The following DNAAF4 variants were observed in gnomAD, a reference collection of about 807,000 sequenced individuals.
DNAAF4 encodes dynein axonemal assembly factor 4, also known as dynein assembly factor 4, axonemal.
Under a neutral mutation model 51.8 loss-of-function variants are expected in DNAAF4, and 43 were observed. The ratio of observed to expected loss-of-function variants is 0.83; its 90% CI spans 0.65 to 1.07. The LOEUF is 1.07. DNAAF4 is among the 50% of genes least tolerant of loss of function. DNAAF4 has a pLI of 0.00. For missense variants in DNAAF4, 581 were observed against 493.0 expected, an observed-to-expected ratio of 1.18 and a Z score of -1.69; for synonymous variants, 194 against 165.6, an observed-to-expected ratio of 1.17 and a Z score of -1.32.
intron 6 of DNAAF4, among the ~76,000 whole-genome samples, chr15:55,442,360 C>G (rs1383474148): frequency 1.3e-5 from 2 of 152,190 alleles, no homozygotes; most frequent in Non-Finnish European, 2.9e-5. Flanking sequence ...CTCAGGCAAT[C>G]CACCCGCCTT....
intron 1 of DNAAF4, among the ~76,000 whole-genome samples, chr15:55,506,470 T>A (rs2141616619): frequency 6.6e-6 from 1 of 152,296 alleles, no homozygotes; most frequent in South Asian, 2.1e-4. Context: ...CATTTTAAGA[T>A]GTTTAGCAGC....
intron 4 of DNAAF4, among the ~76,000 whole-genome samples, chr15:55,484,842 G>T (rs1369588251): frequency 6.6e-6 from 1 of 152,110 alleles, no homozygotes; most frequent in African/African-American, 2.4e-5. Context: ...GGCCAGTCTC[G>T]TCTTTTCATA....
intron 5 of DNAAF4, among the ~76,000 whole-genome samples, chr15:55,464,677 C>T (rs2058142408): frequency 6.6e-6 from 1 of 152,010 alleles, no homozygotes; most frequent in South Asian, 2.1e-4. Flanking sequence ...AGAAGATATA[C>T]AAATGTCCCG....
intron 5 of DNAAF4, among the ~76,000 whole-genome samples, chr15:55,454,453 C>CT (rs1567013984): frequency 6.6e-6 from 1 of 152,090 alleles, no homozygotes; most frequent in Non-Finnish European, 1.5e-5. Context: ...TCTTGGCTCA[C>CT]TGCAGCCTCT....
chr15:55,473,337 GTA>G (rs1360002273), intron 4 of DNAAF4, among the ~76,000 whole-genome samples: 9 of 136,274 alleles, frequency 6.6e-5, no homozygotes, highest in Admixed American at 4.5e-4. Flanking sequence ...ATATATGTGT[GTA>G]TATATATGTG....
intron 5 of DNAAF4, among the ~76,000 whole-genome samples, chr15:55,457,360 C>G (rs1438768845): frequency 6.6e-6 from 1 of 152,008 alleles, no homozygotes; most frequent in Non-Finnish European, 1.5e-5. Flanking sequence ...ATTCCATTGG[C>G]CTGAGAATCC....
chr15:55,463,170 TCTCACACACACACACA>T (rs1280419368), intron 5 of DNAAF4, among the ~76,000 whole-genome samples: 3 of 119,962 alleles, frequency 2.5e-5, no homozygotes, highest in African/African-American at 8.8e-5. Context: ...TGAGACTCTG[TCTCACACACACACACA>T]CACACACACA....
chr15:55,431,424 GCTCT>G (rs2057492533), intron 9 of DNAAF4, among the ~76,000 whole-genome samples: 1 of 149,970 alleles, frequency 6.7e-6, no homozygotes, highest in Non-Finnish European at 1.5e-5. Context: ...GACCGAAGAA[GCTCT>G]CTGAGATAAA....
rs767288296 is a variant in DNAAF4 at position 55,430,829 on chromosome 15, C to G, written c.1154-50G>C. On this transcript the variant is annotated intron_variant, in intron 9 of 9. Coordinates refer to ENST00000321149, the MANE Select transcript of DNAAF4 (RefSeq NM_130810.4). ...TAATACAATAAATATTTTATTAGCACTTCTTTTATCTAGACAATAGTTGTT... is the reference window on the plus strand; with the variant it reads ...TAATACAATAAATATTTTATTAGCAGTTCTTTTATCTAGACAATAGTTGTT... 55 of 1,365,274 alleles carry G rather than the reference C, an allele frequency of 4.0e-5. No individual in the cohort carries two copies. The South Asian group carries it at 6.2e-4, about 15-fold the overall frequency. The allele number at this position is 1,365,274 out of a possible 1,614,324, so 84.6% of individuals were successfully genotyped here. A position where few individuals can be genotyped will look rare whatever the true frequency, so the allele number is the denominator to read the frequency against.
In DNAAF4 at chr15:55,467,490, G is replaced by A. The variant is rs2290981; in HGVS notation, c.406-329C>T. Among the ~76,000 whole-genome samples, 7,600 of 151,792 alleles carry A rather than the reference G, an allele frequency of 0.05. 266 individuals carry two copies. Among genetic ancestry groups the A allele is most frequent in the East Asian group, 0.15 (756 of 5,138 alleles). ...TTAGATGATACCTAAGGGCTTGGTA[G>A]AAAAAATAATAGAAATTTATTATTC... On this transcript the variant is annotated intron_variant, in intron 4 of 9. Transcript: ENST00000321149.
At chr15:55,470,462 C>T (rs534362332) in intron 4 of DNAAF4, among the ~76,000 whole-genome samples, 1 of 152,054 alleles carries the variant, frequency 6.6e-6, no homozygotes. Context: ...CTTCTCCCTC[C>T]AAGTGTTCAG....
chr15:55,463,913 C>G (rs1595921459), intron 5 of DNAAF4, among the ~76,000 whole-genome samples: 1 of 152,146 alleles, frequency 6.6e-6, no homozygotes. Flanking sequence ...GTGCAATTCC[C>G]ATCAAAATAT....
intron 6 of DNAAF4, among the ~76,000 whole-genome samples, chr15:55,445,567 G>A (rs1372724259): frequency 2.0e-5 from 3 of 152,054 alleles, no homozygotes; most frequent in Non-Finnish European, 2.9e-5. Context: ...CGGAGCTGTT[G>A]GGTACACCTC....
At chr15:55,432,345 T>C (rs1246129083) in intron 9 of DNAAF4, 152 bp downstream of exon 9, 3 of 497,378 alleles carry the variant, frequency 6.0e-6, no homozygotes, top group Non-Finnish European at 1.1e-5. Flanking sequence ...AAATCATGTA[T>C]TGTCAGATAT....
At chr15:55,441,524 A>G (rs984485743) in intron 6 of DNAAF4, among the ~76,000 whole-genome samples, 4 of 151,736 alleles carry the variant, frequency 2.6e-5, no homozygotes, top group Admixed American at 6.6e-5. Flanking sequence ...TTAACTCGTC[A>G]TTTACATTAG....
downstream of DNAAF4, among the ~76,000 whole-genome samples, chr15:55,429,046 A>T (rs2057460303): frequency 6.6e-6 from 1 of 150,730 alleles, no homozygotes. Context: ...ACATGGTAAA[A>T]CCCCGTCTCT....
At chr15:55,433,914 T>TATATGTAA (rs1348132665) in intron 8 of DNAAF4, among the ~76,000 whole-genome samples, 4 of 19,026 alleles carry the variant, frequency 2.1e-4, no homozygotes, top group Non-Finnish European at 3.0e-4. Flanking sequence ...TTATATATAA[T>TATATGTAA]TATATATATT....
chr15:55,463,439 G>T (rs532788090), intron 5 of DNAAF4, among the ~76,000 whole-genome samples: 1 of 152,046 alleles, frequency 6.6e-6, no homozygotes, highest in Non-Finnish European at 1.5e-5. Flanking sequence ...TAGCCAGAGC[G>T]ATCAGACAAG....
At position 55,432,547 on chromosome 15, in the gene DNAAF4, G is replaced by A; in HGVS notation, c.1103C>T (p.Ala368Val). The A allele has an allele frequency of 6.2e-7, 1 of 1,612,712 alleles. No homozygotes were observed. The highest frequency in any genetic ancestry group is 1.7e-5 in the Admixed American group (1 of 59,990). Residue 368 changes from alanine to valine, a missense_variant, in exon 9 of 10, where the codon GCA becomes GTA. Physicochemically the swap from Ala to Val is moderately conservative, Grantham distance 64 (BLOSUM62 0). Transcript: ENST00000321149. ...GAATGCTGTTCCACGTCGTACATGT[G>A]CCTTCATTCTTGCATTAGCATTGTC... ...VTDNANARMK[A>V]HVRRGTAFCQ... is the part of the protein sequence containing the mutation.
Sources: gnomAD v4.1 joint callset for allele counts (sites outside exome capture counted in the v4.1 genomes callset) on GRCh38, gnomAD v4.1.1 for gene constraint, MANE v1.5 for transcripts, NCBI Gene and HGNC (gene_info 2026-07-23, HGNC 2026-07-21) for gene names.